Variants in RP1 observed in about 807,000 individuals in gnomAD.
RP1 encodes the protein oxygen-regulated protein 1.
Under a neutral mutation model 14.8 loss-of-function variants are expected in RP1, and 16 were observed. The ratio of observed to expected loss-of-function variants is 1.08; its 90% CI spans 0.73 to 1.65. The LOEUF is 1.65. Ranked by LOEUF, RP1 falls within the 40% of genes most tolerant of loss-of-function variation. The pLI, the probability that RP1 is intolerant of heterozygous loss-of-function variation, is 0.00. For synonymous variants in RP1, 876 were observed against 883.6 expected, an observed-to-expected ratio of 0.99 and a Z score of 0.15; for missense variants, 2,631 against 2,535.0, an observed-to-expected ratio of 1.04 and a Z score of -0.81.
intron 24 of RP1, among the ~76,000 whole-genome samples, chr8:54,824,787 A>G (rs1585723934): frequency 6.6e-6 from 1 of 152,344 alleles, no homozygotes; most frequent in East Asian, 1.9e-4. Flanking sequence ...GTAACCTGTT[A>G]TATTAATAGG....
chr8:54,782,168 GT>G (rs1810204823), intron 23 of RP1, among the ~76,000 whole-genome samples: 1 of 152,184 alleles, frequency 6.6e-6, no homozygotes, highest in Non-Finnish European at 1.5e-5. Context: ...AGATTTGCAT[GT>G]TTCTTATTTT....
intron 20 of RP1, chr8:54,755,583 A>T (rs1298868589): frequency 6.5e-6 from 10 of 1,533,128 alleles, no homozygotes; most frequent in Non-Finnish European, 8.7e-6. Context: ...AAGGTAATGT[A>T]TTTCCTCTTA....
chr8:54,620,580 A>G (rs2129313890), intron 1 of RP1, among the ~76,000 whole-genome samples: 1 of 152,320 alleles, frequency 6.6e-6, no homozygotes, highest in Middle Eastern at 3.4e-3. Flanking sequence ...ATGTTTTGCA[A>G]ACTGATTTTT....
chr8:54,819,960 C>A (rs1231010286), intron 24 of RP1, among the ~76,000 whole-genome samples: 1 of 152,056 alleles, frequency 6.6e-6, no homozygotes, highest in Non-Finnish European at 1.5e-5. Flanking sequence ...TGACTACTGC[C>A]CGAGTACCAC....
At chr8:54,738,859 C>A (rs1377663464) in intron 18 of RP1, 4 of 761,756 alleles carry the variant, frequency 5.3e-6, no homozygotes, top group South Asian at 2.7e-5. Flanking sequence ...ACAAAAAATG[C>A]AGTTAGTGTA....
intron 15 of RP1, among the ~76,000 whole-genome samples, chr8:54,711,330 CT>C (rs1176979453): frequency 3.9e-4 from 60 of 152,254 alleles, no homozygotes; most frequent in African/African-American, 1.4e-3. Flanking sequence ...CCTATTATTT[CT>C]GTTAAAAATT....
At chr8:54,807,399 A>T (rs565991773) in intron 24 of RP1, among the ~76,000 whole-genome samples, 6 of 152,216 alleles carry the variant, frequency 3.9e-5, no homozygotes, top group Non-Finnish European at 8.8e-5. Flanking sequence ...TTGCTAAAAC[A>T]TTCCAGAGCC....
chr8:54,819,295 T>C (rs1456701932), intron 24 of RP1, among the ~76,000 whole-genome samples: 1 of 151,994 alleles, frequency 6.6e-6, no homozygotes, highest in Admixed American at 6.6e-5. Flanking sequence ...AGCTCCAGAA[T>C]TTTTGCTTGA....
intron 7 of RP1, among the ~76,000 whole-genome samples, chr8:54,667,412 C>G (rs1013423550): frequency 1.3e-5 from 2 of 152,076 alleles, no homozygotes; most frequent in Non-Finnish European, 2.9e-5. Flanking sequence ...AGTTTGGAAG[C>G]CTGGAAAAAC....
At chr8:54,648,660 C>A (rs1017217293) in intron 3 of RP1, among the ~76,000 whole-genome samples, 2 of 151,962 alleles carry the variant, frequency 1.3e-5, no homozygotes, top group Admixed American at 6.6e-5. Context: ...GATTTTTTGT[C>A]AAAATACTGG....
At chr8:54,866,386 A>G (rs1472555462) in intron 28 of RP1, among the ~76,000 whole-genome samples, 1 of 152,164 alleles carries the variant, frequency 6.6e-6, no homozygotes, top group Admixed American at 6.5e-5. Context: ...AGTGGCGTAG[A>G]TGTAATATAA....
chr8:54,644,562 G>A (rs910228047), intron 3 of RP1, among the ~76,000 whole-genome samples: 1 of 152,144 alleles, frequency 6.6e-6, no homozygotes, highest in Admixed American at 6.5e-5. Flanking sequence ...TGGCTGATTG[G>A]ATCAGTGAAT....
chr8:54,651,100 A>G (rs1328131274), intron 4 of RP1, among the ~76,000 whole-genome samples: 3 of 152,058 alleles, frequency 2.0e-5, no homozygotes, highest in Non-Finnish European at 2.9e-5. Flanking sequence ...GTGGTATATT[A>G]GATTGATATT....
At chr8:54,651,150 G>T (rs981877033) in intron 4 of RP1, among the ~76,000 whole-genome samples, 1 of 152,044 alleles carries the variant, frequency 6.6e-6, no homozygotes, top group African/African-American at 2.4e-5. Flanking sequence ...ATAAATCCTA[G>T]TTTATTATAA....
chr8:54,847,581 G>A (rs1563394963), intron 25 of RP1, among the ~76,000 whole-genome samples: 1 of 152,232 alleles, frequency 6.6e-6, no homozygotes, highest in African/African-American at 2.4e-5. Flanking sequence ...CTGAGACGAG[G>A]CCATCCAGGC....
At chr8:54,803,118 A>C (rs1206472141) in intron 24 of RP1, among the ~76,000 whole-genome samples, 1 of 152,158 alleles carries the variant, frequency 6.6e-6, no homozygotes, top group East Asian at 1.9e-4. Context: ...TTGCCTGGAA[A>C]CCAAGACTAC....
At chr8:54,640,034 C>T (rs1032072362) in intron 3 of RP1, among the ~76,000 whole-genome samples, 1 of 151,648 alleles carries the variant, frequency 6.6e-6, no homozygotes, top group African/African-American at 2.4e-5. Flanking sequence ...ATCTCAATGA[C>T]AAGATTTTCT....
At chr8:54,692,297 A>AAAACATGT (rs1807734241) in intron 12 of RP1, among the ~76,000 whole-genome samples, 2 of 148,854 alleles carry the variant, frequency 1.3e-5, no homozygotes, top group Non-Finnish European at 3.0e-5. Flanking sequence ...GTGTCTTTAT[A>AAAACATGT]GCAGCATGAT....
intron 5 of RP1, among the ~76,000 whole-genome samples, chr8:54,654,857 G>T (rs1210008781): frequency 6.6e-6 from 1 of 152,132 alleles, no homozygotes; most frequent in Admixed American, 6.5e-5. Flanking sequence ...ATGTTGCCCT[G>T]GTTGGTCTCA....
Sources: allele counts gnomAD v4.1 joint callset (sites outside exome capture counted in the v4.1 genomes callset), GRCh38; gene constraint gnomAD v4.1.1; transcripts MANE v1.5; gene names NCBI Gene and HGNC (gene_info 2026-07-23, HGNC 2026-07-21).